TBC1D14: variants seen among roughly 807,000 people sequenced by gnomAD.
TBC1D14 encodes the protein TBC1 domain family, member 14.
Under a neutral mutation model 79.0 loss-of-function variants are expected in TBC1D14, and 26 were observed. That is an observed-to-expected ratio of 0.33 (90% CI 0.24 to 0.46). The LOEUF (loss-of-function observed/expected upper bound fraction) is 0.46. TBC1D14 is among the 20% of genes least tolerant of loss of function. TBC1D14 has a pLI of 1.00. For missense variants in TBC1D14, 769 were observed against 887.6 expected, an observed-to-expected ratio of 0.87 and a Z score of 1.70; for synonymous variants, 394 against 349.9, an observed-to-expected ratio of 1.13 and a Z score of -1.40.
At chr4:6,941,056 A>G (rs2108974565) in intron 2 of TBC1D14, among the ~76,000 whole-genome samples, 1 of 152,286 alleles carries the variant, frequency 6.6e-6, no homozygotes, top group African/African-American at 2.4e-5. Context: ...ACTTGATGAA[A>G]GCAGGTTGGC....
intron 2 of TBC1D14, among the ~76,000 whole-genome samples, chr4:6,952,279 G>A (rs1714110192): frequency 6.6e-6 from 1 of 152,234 alleles, no homozygotes; most frequent in Non-Finnish European, 1.5e-5. Context: ...GTCTGGGTGG[G>A]ACTCAAGAAA....
chr4:7,027,640 C>T (rs1401931110), intron 13 of TBC1D14, among the ~76,000 whole-genome samples: 4 of 147,216 alleles, frequency 2.7e-5, no homozygotes, highest in Admixed American at 6.8e-5. Flanking sequence ...TCACCCCACA[C>T]ACATCACACA....
At chr4:7,003,810 T>C (rs901004135) in intron 7 of TBC1D14, among the ~76,000 whole-genome samples, 5 of 151,874 alleles carry the variant, frequency 3.3e-5, no homozygotes, top group African/African-American at 1.2e-4. Context: ...GAGACCAGCC[T>C]GGCCAACACG....
At chr4:6,977,092 C>T (rs1453685169) in intron 3 of TBC1D14, among the ~76,000 whole-genome samples, 245 of 22,614 alleles carry the variant, frequency 0.011, 58 homozygotes, top group African/African-American at 0.022. Flanking sequence ...CCTCTCCCCA[C>T]TGTCTCCCTC....
chr4:7,003,186 T>C (rs76983178), intron 7 of TBC1D14, among the ~76,000 whole-genome samples: 2,285 of 152,296 alleles, frequency 0.015, 68 homozygotes, highest in African/African-American at 0.052. Context: ...CCTCCAGCGT[T>C]CCCCAGATGC....
chr4:6,915,241 T>C (rs1202716101), intron 1 of TBC1D14, among the ~76,000 whole-genome samples: 1 of 152,106 alleles, frequency 6.6e-6, no homozygotes, highest in Admixed American at 6.5e-5. Flanking sequence ...AGGAGGCTCT[T>C]AGTCTCCCCA....
At chr4:6,931,435 G>C (rs1257349016) in intron 2 of TBC1D14, among the ~76,000 whole-genome samples, 4 of 152,180 alleles carry the variant, frequency 2.6e-5, no homozygotes, top group African/African-American at 7.2e-5. Context: ...ATCTGGGTGA[G>C]CTTCAATTTG....
At position 7,025,659 on chromosome 4, in the gene TBC1D14, G is replaced by C. The variant is rs149521439; in HGVS notation, c.2016+397G>C. Among the ~76,000 whole-genome samples, 331 of 152,382 alleles carry C rather than the reference G, an allele frequency of 2.2e-3. 1 individual carries two copies. Among genetic ancestry groups the C allele is most frequent in the African/African-American group, 7.7e-3 (320 of 41,594 alleles). On this transcript the variant is annotated intron_variant, in intron 13 of 13. Coordinates refer to ENST00000409757, the MANE Select transcript of TBC1D14 (RefSeq NM_020773.3). ...TTACTGAGCCCCGTGGCCATGCCCT[G>C]TGGCAGGCTTTTGTGTGTGTCCTTG...
intron 4 of TBC1D14, 83 bp downstream of exon 4, chr4:6,994,385 C>A (rs1718799197): frequency 6.3e-6 from 8 of 1,270,886 alleles, no homozygotes; most frequent in Non-Finnish European, 1.1e-6. Context: ...TAGAGAAAAA[C>A]TAGGGTCAGA....
chr4:6,993,385 G>A (rs925984364), intron 3 of TBC1D14, among the ~76,000 whole-genome samples: 2 of 152,204 alleles, frequency 1.3e-5, no homozygotes, highest in African/African-American at 2.4e-5. Context: ...GGGTCACCGG[G>A]TGTGAATGAG....
Position 6,999,202 on chromosome 4 carries a change from T to C in TBC1D14, c.1163T>C (p.Met388Thr). ...NNEILPNWET[M>T]WCSRKVRDLW... Reference sequence around the variant, plus strand: ...GAGATCTTACCTAACTGGGAAACAATGTAAGATGTGGCTCTGGGTGTGGCT... The same window carrying C: ...GAGATCTTACCTAACTGGGAAACAACGTAAGATGTGGCTCTGGGTGTGGCT... The change falls in exon 6 of 14, where the codon ATG (methionine) becomes ACG (threonine). Residue 388 changes from methionine (M) to threonine (T), a missense_variant and splice_region_variant. Physicochemically the swap from Met to Thr is moderately conservative, Grantham distance 81. Coordinates refer to ENST00000409757, the MANE Select transcript of TBC1D14 (RefSeq NM_020773.3). 3.7e-6 allele frequency: 6 copies of C among 1,612,018 alleles called. No homozygotes were observed. The highest frequency in any genetic ancestry group is 5.1e-6 in the Non-Finnish European group (6 of 1,178,194).
rs138039621 is a variant in TBC1D14, at chr4:6,967,348, A to G, written c.767A>G (p.Asn256Ser). The G allele has an allele frequency of 3.1e-5, 50 of 1,614,020 alleles. 1 individual carries two copies. The highest frequency in any genetic ancestry group is 2.5e-4 in the East Asian group (11 of 44,896). The change falls in exon 3 of 14, where the codon AAT becomes AGT. Residue 256 changes from asparagine to serine, a missense_variant. This residue lies in a region of TBC1D14 where 402 missense variants were observed against 393.2 expected (regional missense o/e 1.02). Transcript: ENST00000409757. ...RKQSARLDKHNDLGWKLFGKA... is the reference protein window; with the variant it reads ...RKQSARLDKHSDLGWKLFGKA... ...CAAAGTGCAAGGCTTGACAAACACA[A>G]TGACTTGGGATGGAAGTTATTTGGG...
At chr4:6,970,140 C>T (rs761319390) in intron 3 of TBC1D14, among the ~76,000 whole-genome samples, 1 of 152,274 alleles carries the variant, frequency 6.6e-6, no homozygotes, top group Non-Finnish European at 1.5e-5. Flanking sequence ...CAGTCAGGGC[C>T]GAAGCCTAGA....
chr4:6,924,010 T>C lies in TBC1D14; in HGVS notation c.621T>C (p.Ser207=), dbSNP rs1376614140. ...DPQFTNVTLS[S]IKETRGLHQQ... ...AGTTTACCAACGTCACCTTGAGCTC[T>C]ATCAAGGAAACCCGTGGCTTACACC... Residue 207 remains serine (S), a synonymous_variant, in exon 2 of 14, where the codon TCT becomes TCC. Coordinates refer to ENST00000409757, the MANE Select transcript of TBC1D14 (RefSeq NM_020773.3). 1 of 1,613,986 alleles carries C rather than the reference T, an allele frequency of 6.2e-7. No homozygotes were observed. The highest frequency in any genetic ancestry group is 1.7e-5 in the Admixed American group (1 of 60,016).
At chr4:7,011,152 G>A (rs1224928799) in intron 11 of TBC1D14, among the ~76,000 whole-genome samples, 1 of 152,234 alleles carries the variant, frequency 6.6e-6, no homozygotes, top group Non-Finnish European at 1.5e-5. Context: ...GGTAGAACAT[G>A]TCGTAATCGA....
chr4:6,999,158 T>C lies in TBC1D14; in HGVS notation c.1119T>C (p.Ala373=), dbSNP rs746703531. 6.2e-7 allele frequency: 1 copy of C among 1,614,150 alleles called. No individual in the cohort carries two copies. The highest frequency in any genetic ancestry group is 1.1e-5 in the South Asian group (1 of 91,082). Residue 373 remains alanine (A), a synonymous_variant, in exon 6 of 14, where the codon GCT becomes GCC. Transcript: ENST00000409757. ...RCRVEESIGN[A]VLTWNNEILP... ...GAGTCGAGGAAAGCATTGGAAACGCTGTGCTCACCTGGAATAATGAGATCT... is the reference window on the plus strand; with the variant it reads ...GAGTCGAGGAAAGCATTGGAAACGCCGTGCTCACCTGGAATAATGAGATCT...
chr4:6,958,064 A>C (rs1360766797), intron 2 of TBC1D14, among the ~76,000 whole-genome samples: 1 of 151,800 alleles, frequency 6.6e-6, no homozygotes, highest in Non-Finnish European at 1.5e-5. Flanking sequence ...AGCCTGGGCC[A>C]GGCTCATCCT....
intron 2 of TBC1D14, among the ~76,000 whole-genome samples, chr4:6,950,813 A>C (rs1713971154): frequency 6.6e-6 from 1 of 152,116 alleles, no homozygotes; most frequent in Non-Finnish European, 1.5e-5. Flanking sequence ...TGATTTGCAT[A>C]TTTTGTTTGG....
At chr4:6,960,507 A>G (rs138303034) in intron 2 of TBC1D14, among the ~76,000 whole-genome samples, 13 of 152,246 alleles carry the variant, frequency 8.5e-5, no homozygotes, top group Admixed American at 5.9e-4. Flanking sequence ...CAGGTGTTAC[A>G]TGGCATGCCT....
Sources: gnomAD v4.1 joint callset for allele counts (sites outside exome capture counted in the v4.1 genomes callset) on GRCh38, gnomAD v4.1.1 for gene constraint, gnomAD v4.1.1 regional missense constraint, MANE v1.5 for transcripts, NCBI Gene and HGNC (gene_info 2026-07-23, HGNC 2026-07-21) for gene names.